The following GTF2I variants were observed in gnomAD, a reference collection of about 807,000 sequenced individuals.
The protein encoded by GTF2I is general transcription factor II-I.
Under a neutral mutation model 67.6 loss-of-function variants are expected in GTF2I, and 12 were observed. That is an observed-to-expected ratio of 0.18 (90% CI 0.11 to 0.29). The LOEUF is 0.29. Among genes scored for constraint, GTF2I ranks in the 10% least tolerant of loss-of-function variants. The pLI is 1.00. For missense variants in GTF2I, 271 were observed against 580.1 expected, an observed-to-expected ratio of 0.47 and a Z score of 5.47; for synonymous variants, 149 against 197.0, an observed-to-expected ratio of 0.76 and a Z score of 2.04.
At chr7:74,724,389 A>G (rs1167937678) in intron 12 of GTF2I, among the ~76,000 whole-genome samples, 2 of 152,210 alleles carry the variant, frequency 1.3e-5, no homozygotes, top group African/African-American at 4.8e-5. Context: ...ATCAGAACAT[A>G]TTGTAACATA....
chr7:74,688,116 T>TC (rs1787904061), intron 1 of GTF2I, among the ~76,000 whole-genome samples: 1 of 152,206 alleles, frequency 6.6e-6, no homozygotes, highest in Non-Finnish European at 1.5e-5. Context: ...GCTCACTCTG[T>TC]CACCAAGGCT....
At chr7:74,688,528 C>T (rs1389285958) in intron 1 of GTF2I, among the ~76,000 whole-genome samples, 1 of 152,130 alleles carries the variant, frequency 6.6e-6, no homozygotes. Context: ...GCGATCTCCG[C>T]TCACTGCAGC....
intron 6 of GTF2I, among the ~76,000 whole-genome samples, chr7:74,704,909 G>A (rs1032166213): frequency 6.8e-6 from 1 of 146,336 alleles, no homozygotes; most frequent in Non-Finnish European, 1.5e-5. Flanking sequence ...TTATATGTCA[G>A]CAGAGTCATA....
chr7:74,702,984 G>A (rs1554400261), intron 6 of GTF2I, among the ~76,000 whole-genome samples: 1 of 152,016 alleles, frequency 6.6e-6, no homozygotes, highest in East Asian at 1.9e-4. Context: ...TGATCCGCCT[G>A]TGTCAGCCTC....
intron 3 of GTF2I, among the ~76,000 whole-genome samples, chr7:74,694,996 A>C (rs1788745946): frequency 6.6e-6 from 1 of 152,242 alleles, no homozygotes; most frequent in African/African-American, 2.4e-5. Context: ...AGTGTTGTTC[A>C]CCGAATATTT....
At chr7:74,677,238 T>A (rs1805980007) in intron 1 of GTF2I, among the ~76,000 whole-genome samples, 1 of 152,160 alleles carries the variant, frequency 6.6e-6, no homozygotes, top group Non-Finnish European at 1.5e-5. Flanking sequence ...TAGTATTAGA[T>A]CTTTTGGATT....
intron 1 of GTF2I, among the ~76,000 whole-genome samples, chr7:74,676,071 T>C (rs1435742215): frequency 2.6e-5 from 4 of 151,960 alleles, no homozygotes; most frequent in African/African-American, 9.7e-5. Flanking sequence ...TGAGGACATC[T>C]AGTCAGTTGG....
chr7:74,660,653 C>G (rs1265456159), intron 1 of GTF2I, among the ~76,000 whole-genome samples: 1 of 128,572 alleles, frequency 7.8e-6, no homozygotes, highest in Admixed American at 8.8e-5. Flanking sequence ...CGGAGTTTCG[C>G]TCTCGTTGCC....
intron 1 of GTF2I, among the ~76,000 whole-genome samples, chr7:74,682,342 A>G (rs945998971): frequency 3.9e-5 from 6 of 152,238 alleles, no homozygotes; most frequent in Non-Finnish European, 8.8e-5. Context: ...AAAACACCAG[A>G]AAGTTGAAAA....
Position 74,698,995 on chromosome 7 carries a change from TA to T in GTF2I, c.277del (p.Met93Ter). 6.7e-7 allele frequency: 1 copy of T among 1,497,336 alleles called. No individual in the cohort carries two copies. Among genetic ancestry groups the T allele is most frequent in the Admixed American group, 2.0e-5 (1 of 49,424 alleles). 92.8% of individuals were successfully genotyped at this position (1,497,336 alleles called of 1,614,324 possible). A position where few individuals can be genotyped will look rare whatever the true frequency, so the allele number is the denominator to read the frequency against. On this transcript the variant is annotated frameshift_variant, in exon 4 of 35. Coordinates refer to ENST00000573035, the MANE Select transcript of GTF2I (RefSeq NM_032999.4). LOFTEE classifies it high-confidence loss of function. ...AAGAAGAAAAAGCTGCAGAGATGCA[TA>T]AAATGAAATCTACAACCCAGGCAAA... Reference protein sequence around the residue: ...EEEEKAAEMHKMKSTTQANRM... With the variant: ...EEEEKAAEMHXMKSTTQANRM...
At chr7:74,683,429 T>G (rs1191972454) in intron 1 of GTF2I, among the ~76,000 whole-genome samples, 2 of 152,156 alleles carry the variant, frequency 1.3e-5, no homozygotes, top group Non-Finnish European at 2.9e-5. Flanking sequence ...CAAGAAAAAT[T>G]TTTTAGCAAA....
chr7:74,694,230 TG>T (rs1454993714), intron 3 of GTF2I, among the ~76,000 whole-genome samples: 1 of 152,042 alleles, frequency 6.6e-6, no homozygotes, highest in Non-Finnish European at 1.5e-5. Flanking sequence ...AAGGCTGAGA[TG>T]GGTGAGGAAG....
Position 74,700,434 on chromosome 7 carries a change from A to G in GTF2I, c.557+4A>G. On this transcript the variant is annotated splice_donor_region_variant and intron_variant, in intron 5 of 34. Transcript: ENST00000573035. Reference sequence around the variant, plus strand: ...GGATTTCATTCATCATTAAGAGGTGAAGTGCTTTCTCCCTTTGTACCCATC... The same window carrying G: ...GGATTTCATTCATCATTAAGAGGTGGAGTGCTTTCTCCCTTTGTACCCATC... The G allele has an allele frequency of 6.2e-7, 1 of 1,614,120 alleles. No homozygotes were observed. The highest frequency in any genetic ancestry group is 8.5e-7 in the Non-Finnish European group (1 of 1,179,966).
chr7:74,708,122 A>C (rs1554401896), intron 8 of GTF2I, among the ~76,000 whole-genome samples: 1 of 152,148 alleles, frequency 6.6e-6, no homozygotes, highest in Non-Finnish European at 1.5e-5. Flanking sequence ...CAACATGGTG[A>C]AACCCAGTCT....
intron 15 of GTF2I, 54 bp from the exon 16 acceptor site, chr7:74,733,869 T>G (rs1794685329): frequency 2.3e-6 from 3 of 1,308,312 alleles, no homozygotes; most frequent in Non-Finnish European, 3.3e-6. Context: ...CTAGTCGTTA[T>G]TAGTTTGCTG....
intron 1 of GTF2I, among the ~76,000 whole-genome samples, chr7:74,663,616 T>A (rs1554387463): frequency 6.6e-6 from 1 of 152,142 alleles, no homozygotes; most frequent in Non-Finnish European, 1.5e-5. Context: ...GGTTATTCAT[T>A]GTTAATAACT....
rs782801851 is a variant in GTF2I at position 74,704,730 on chromosome 7, TG to T, written c.587-433del. ...AGCTGGGAGTGGTAATGCATGCTTCTGTAGTCCCAGCTACTCAGGAGGCTGA... is the reference window on the plus strand; with the variant it reads ...AGCTGGGAGTGGTAATGCATGCTTCTTAGTCCCAGCTACTCAGGAGGCTGA... On this transcript the variant is annotated intron_variant, in intron 6 of 34. Coordinates refer to ENST00000573035, the MANE Select transcript of GTF2I (RefSeq NM_032999.4). 2.6e-4 allele frequency among the ~76,000 whole-genome samples: 40 copies of T among 152,058 alleles called. 1 individual carries two copies. The highest frequency in any genetic ancestry group is 5.9e-4 in the Admixed American group (9 of 15,250).
At chr7:74,668,649 C>T (rs2131206075) in intron 1 of GTF2I, among the ~76,000 whole-genome samples, 1 of 152,014 alleles carries the variant, frequency 6.6e-6, no homozygotes, top group South Asian at 2.1e-4. Context: ...TCTTGGCTCA[C>T]TGCAACCTCC....
intron 1 of GTF2I, among the ~76,000 whole-genome samples, chr7:74,664,785 A>G (rs984149729): frequency 2.0e-5 from 3 of 151,958 alleles, no homozygotes; most frequent in Non-Finnish European, 4.4e-5. Context: ...ATATATCATG[A>G]GAGGGAAGAC....
Sources: allele counts gnomAD v4.1 joint callset (sites outside exome capture counted in the v4.1 genomes callset), GRCh38; gene constraint gnomAD v4.1.1; transcripts MANE v1.5; gene names NCBI Gene and HGNC (gene_info 2026-07-23, HGNC 2026-07-21).